Variants in FAXDC2 observed in about 807,000 individuals in gnomAD.
FAXDC2 encodes the protein fatty acid hydroxylase domain containing 2.
Under a neutral mutation model 40.9 loss-of-function variants are expected in FAXDC2, and 41 were observed. The ratio of observed to expected loss-of-function variants is 1.00; its 90% CI spans 0.78 to 1.30. The LOEUF is 1.30. Among genes scored for constraint, FAXDC2 ranks in the 50% most tolerant of loss-of-function variants. The pLI is 0.00. For missense variants in FAXDC2, 390 were observed against 408.8 expected (o/e 0.95, Z 0.40); for synonymous variants, 157 against 149.3 (o/e 1.05, Z -0.38).
At chr5:154,848,685 G>A (rs184503484) in intron 1 of FAXDC2, among the ~76,000 whole-genome samples, 99 of 152,314 alleles carry the variant, frequency 6.5e-4, no homozygotes, top group African/African-American at 2.2e-3. Context: ...GATGAAATGC[G>A]GCCAGGAGCG....
chr5:154,821,884 G>A (rs538636850), intron 7 of FAXDC2: 293 of 160,232 alleles, frequency 1.8e-3, no homozygotes, highest in Non-Finnish European at 3.4e-3. Context: ...GAGGTCAGGA[G>A]TTTGAGACCA....
At chr5:154,830,579 T>G in intron 5 of FAXDC2, 1 of 454,100 alleles carries the variant, frequency 2.2e-6, no homozygotes, top group Non-Finnish European at 4.0e-6. Flanking sequence ...GGGCCAGGAA[T>G]CAAGAGACCA....
intron 1 of FAXDC2, among the ~76,000 whole-genome samples, chr5:154,839,808 C>T (rs1460280658): frequency 6.6e-6 from 1 of 152,138 alleles, no homozygotes; most frequent in Non-Finnish European, 1.5e-5. Flanking sequence ...TCTCCTCCAT[C>T]ACTCTGTCAT....
chr5:154,833,229 G>A (rs1760237199), intron 4 of FAXDC2, among the ~76,000 whole-genome samples: 1 of 150,226 alleles, frequency 6.7e-6, no homozygotes, highest in South Asian at 2.1e-4. Flanking sequence ...GTAGAGACAG[G>A]TTTCACTATG....
intron 8 of FAXDC2, 125 bp downstream of exon 8, chr5:154,821,135 C>T (rs1759876864): frequency 1.2e-6 from 1 of 826,412 alleles, no homozygotes; most frequent in African/African-American, 1.8e-5. Flanking sequence ...TTTTCCCAGC[C>T]ATCAGACCTC....
Position 154,823,383 on chromosome 5 carries a change from T to C in FAXDC2, c.572+4A>G, listed in dbSNP as rs751206059. 1.2e-6 allele frequency: 2 copies of C among 1,612,954 alleles called. No homozygotes were observed. The highest frequency in any genetic ancestry group is 8.5e-7 in the Non-Finnish European group (1 of 1,179,902). On this transcript the variant is annotated splice_donor_region_variant and intron_variant, in intron 6 of 8. Transcript: ENST00000326080. ...CAGCTGTGCCTCAGGCAGGGCCTGCTCACCGGTGTGAATAGTAGAACAAGA... is the reference window on the plus strand; with the variant it reads ...CAGCTGTGCCTCAGGCAGGGCCTGCCCACCGGTGTGAATAGTAGAACAAGA...
chr5:154,840,555 G>T (rs1041771235), intron 1 of FAXDC2, among the ~76,000 whole-genome samples: 2 of 151,752 alleles, frequency 1.3e-5, no homozygotes, highest in African/African-American at 4.8e-5. Context: ...TTGAGACAGG[G>T]TCTTGCTCTG....
At chr5:154,849,270 A>G in intron 1 of FAXDC2, among the ~76,000 whole-genome samples, 1 of 152,194 alleles carries the variant, frequency 6.6e-6, no homozygotes. Context: ...ACAGAACGAG[A>G]TTCCATCTCA....
At chr5:154,824,112 A>T (rs961366781) in intron 5 of FAXDC2, 125 of 252,112 alleles carry the variant, frequency 5.0e-4, no homozygotes, top group Non-Finnish European at 2.3e-5. Context: ...GGAACTGCTT[A>T]TCCAGCTTCT....
chr5:154,831,002 G>A, intron 4 of FAXDC2, 80 bp from the exon 5 acceptor site: 1 of 1,540,954 alleles, frequency 6.5e-7, no homozygotes, highest in South Asian at 1.1e-5. Context: ...CTTTTTTGTG[G>A]TGACTGAGGC....
At chr5:154,823,288 A>G in intron 6 of FAXDC2, 99 bp downstream of exon 6, 1 of 1,116,976 alleles carries the variant, frequency 9.0e-7, no homozygotes, top group Non-Finnish European at 1.3e-6. Context: ...TGCCAGGATT[A>G]CAAGCGTGAG....
intron 1 of FAXDC2, among the ~76,000 whole-genome samples, chr5:154,848,263 T>G (rs555909753): frequency 7.2e-5 from 11 of 152,202 alleles, no homozygotes; most frequent in Non-Finnish European, 1.0e-4. Flanking sequence ...AAAGACCTCA[T>G]GTTCATCTGG....
intron 4 of FAXDC2, among the ~76,000 whole-genome samples, chr5:154,832,222 T>TG (rs1287134630): frequency 6.6e-6 from 1 of 151,624 alleles, no homozygotes; most frequent in African/African-American, 2.4e-5. Flanking sequence ...TTTTGTTTTT[T>TG]TTTTTTTTTG....
At chr5:154,824,295 A>T in intron 5 of FAXDC2, 1 of 591,442 alleles carries the variant, frequency 1.7e-6, no homozygotes, top group Non-Finnish European at 3.0e-6. Context: ...TCCCTTTGTC[A>T]GAGCACTGGG....
rs371118289 is a variant in FAXDC2 at position 154,823,825 on chromosome 5, CTG to C, written c.367-235_367-234del. The C allele has an allele frequency of 5.9e-5, 31 of 525,226 alleles. 1 individual carries two copies. The African/African-American group carries it at 5.9e-4, about 10-fold the overall frequency. 32.5% of individuals were successfully genotyped at this position (525,226 alleles called of 1,614,324 possible). Reference sequence around the variant, plus strand: ...CTTGGAAACTTCAGCAGCCTTCAGTCTGTGTCGGAACCTGCCTTCTTCCTGGT... The same window carrying C: ...CTTGGAAACTTCAGCAGCCTTCAGTCTGTCGGAACCTGCCTTCTTCCTGGT... On this transcript the variant is annotated intron_variant, in intron 5 of 8. Coordinates refer to ENST00000326080, the MANE Select transcript of FAXDC2 (RefSeq NM_032385.5).
intron 5 of FAXDC2, chr5:154,824,274 C>T: frequency 5.2e-6 from 3 of 582,388 alleles, no homozygotes; most frequent in Non-Finnish European, 9.2e-6. Flanking sequence ...AATCAGCAAC[C>T]CTTTGACCCT....
intron 1 of FAXDC2, 69 bp downstream of exon 1, chr5:154,850,414 T>C (rs879518480): frequency 2.6e-5 from 4 of 152,124 alleles, no homozygotes; most frequent in Non-Finnish European, 4.4e-5. Flanking sequence ...GTTTTGCCCT[T>C]ACTTTAAGTG....
At position 154,839,756 on chromosome 5, in the gene FAXDC2, TTTTAAA is replaced by T. The variant is rs374352876; in HGVS notation, c.1-1584_1-1579del. On this transcript the variant is annotated intron_variant, in intron 1 of 8. Coordinates refer to ENST00000326080, the MANE Select transcript of FAXDC2 (RefSeq NM_032385.5). ...TATGAATGTACTAGTTGTTCAAAAA[TTTTAAA>T]TTTAAATAATAGTAATTGAAACTTA... Among the ~76,000 whole-genome samples, 536 of 152,296 alleles carry T rather than the reference TTTTAAA, an allele frequency of 3.5e-3. 2 individuals are homozygous for T. The highest frequency in any genetic ancestry group is 0.012 in the African/African-American group (517 of 41,542).
Position 154,819,589 on chromosome 5 carries a change from A to C in FAXDC2, c.*727T>G, listed in dbSNP as rs1055700984. ...GTTTTTGGTTTCCACATAAGGCTAA[A>C]GGTGTTAAAGTTTGGTCTGCACCTC... On this transcript the variant is annotated 3_prime_UTR_variant, in exon 9 of 9. Transcript: ENST00000326080. The C allele has an allele frequency of 1.3e-5, 2 of 152,176 alleles. No homozygotes were observed. The highest frequency in any genetic ancestry group is 4.8e-5 in the African/African-American group (2 of 41,454). 9.4% of individuals were successfully genotyped at this position (152,176 alleles called of 1,614,324 possible).
Sources: allele counts gnomAD v4.1 joint callset (sites outside exome capture counted in the v4.1 genomes callset), GRCh38; gene constraint gnomAD v4.1.1; transcripts MANE v1.5; gene names NCBI Gene and HGNC (gene_info 2026-07-23, HGNC 2026-07-21).